COL27A1: variants seen among roughly 807,000 people sequenced by gnomAD.
The protein encoded by COL27A1 is collagen alpha-1(XXVII) chain.
In COL27A1, 106 loss-of-function variants were observed where a neutral mutation model predicts 251.3. The ratio of observed to expected loss-of-function variants is 0.42; its 90% CI spans 0.36 to 0.50. The LOEUF is 0.50. Among genes scored for constraint, COL27A1 ranks in the 20% least tolerant of loss-of-function variants. The pLI is 0.00. For synonymous variants in COL27A1, 1,000 were observed against 986.3 expected, an observed-to-expected ratio of 1.01 and a Z score of -0.26; for missense variants, 2,325 against 2,522.8, an observed-to-expected ratio of 0.92 and a Z score of 1.68.
chr9:114,289,082 G>A, intron 44 of COL27A1, 115 bp downstream of exon 44: 1 of 1,402,288 alleles, frequency 7.1e-7, no homozygotes, highest in South Asian at 1.3e-5. Flanking sequence ...AGGAGGGTCT[G>A]GGGCAGCCAT....
chr9:114,221,785 G>A (rs181289153), intron 13 of COL27A1, among the ~76,000 whole-genome samples: 1 of 152,342 alleles, frequency 6.6e-6, no homozygotes, highest in East Asian at 1.9e-4. Flanking sequence ...GAAAGGGAAG[G>A]AGGCTGGCTT....
In COL27A1 at chr9:114,310,629, C is replaced by A. The variant is rs144613533; in HGVS notation, c.5517C>A (p.Asp1839Glu). The change falls in exon 61 of 61, where the codon GAC (aspartate) becomes GAA (glutamate). Residue 1839 changes from aspartate (D) to glutamate (E), a missense_variant. Physicochemically the swap from Asp to Glu is conservative, Grantham distance 45 (BLOSUM62 2). Transcript: ENST00000356083. Reference protein sequence around the residue: ...DPQQLPIISVDNLPPASSGKQ... With the variant: ...DPQQLPIISVENLPPASSGKQ... ...AACAGCTGCCCATCATCAGTGTGGA[C>A]AACCTCCCTCCTGCCTCATCAGGGA... is the stretch of plus-strand genomic sequence containing the variant. The A allele has an allele frequency of 1.4e-5, 22 of 1,614,086 alleles. No individual in the cohort carries two copies. The highest frequency in any genetic ancestry group is 1.8e-5 in the Non-Finnish European group (21 of 1,180,040).
intron 49 of COL27A1, among the ~76,000 whole-genome samples, chr9:114,293,432 C>T (rs1828048887): frequency 6.6e-6 from 1 of 151,218 alleles, no homozygotes; most frequent in South Asian, 2.1e-4. Context: ...GAAAAGAAGA[C>T]AGGTCTCAAA....
chr9:114,219,358 T>A (rs1350695890), intron 12 of COL27A1, among the ~76,000 whole-genome samples: 1 of 152,208 alleles, frequency 6.6e-6, no homozygotes, highest in Non-Finnish European at 1.5e-5. Context: ...ACTGGGTGGC[T>A]TTTGAAGAAC....
intron 36 of COL27A1, chr9:114,272,567 G>A (rs1835219478): frequency 6.6e-6 from 1 of 152,218 alleles, no homozygotes; most frequent in African/African-American, 2.4e-5. Context: ...GCACTTCATA[G>A]TTTATAGAGT....
chr9:114,190,087 T>A (rs1485215557), intron 5 of COL27A1, among the ~76,000 whole-genome samples: 1 of 152,212 alleles, frequency 6.6e-6, no homozygotes, highest in Non-Finnish European at 1.5e-5. Flanking sequence ...CAGAGACAGT[T>A]CTGGGGCAGG....
chr9:114,237,097 C>A, intron 18 of COL27A1, 63 bp downstream of exon 18: 1 of 1,450,476 alleles, frequency 6.9e-7, no homozygotes, highest in South Asian at 1.4e-5. Flanking sequence ...TGTAATGTGG[C>A]TGGGGACACC....
intron 2 of COL27A1, among the ~76,000 whole-genome samples, chr9:114,164,900 A>C (rs561766551): frequency 6.6e-6 from 1 of 152,326 alleles, no homozygotes; most frequent in East Asian, 1.9e-4. Context: ...GGAAGAATAA[A>C]GGTCTTAAAC....
chr9:114,235,562 G>T, intron 16 of COL27A1, 37 bp from the exon 17 acceptor site: 1 of 1,569,818 alleles, frequency 6.4e-7, no homozygotes, highest in Middle Eastern at 1.7e-4. Context: ...AACCCACGTG[G>T]CCTCCATTGT....
At chr9:114,181,495 A>C (rs979495854) in intron 4 of COL27A1, among the ~76,000 whole-genome samples, 3 of 152,260 alleles carry the variant, frequency 2.0e-5, no homozygotes, top group Middle Eastern at 3.4e-3. Flanking sequence ...GTTCACACAC[A>C]GTTAGCCCGA....
At chr9:114,277,719 G>A (rs1404592001) in intron 37 of COL27A1, among the ~76,000 whole-genome samples, 1 of 152,198 alleles carries the variant, frequency 6.6e-6, no homozygotes, top group Admixed American at 6.5e-5. Flanking sequence ...GGGGAATTTA[G>A]CAGGAGGGTC....
chr9:114,249,346 T>C (rs1450858356), intron 24 of COL27A1, among the ~76,000 whole-genome samples: 4 of 152,354 alleles, frequency 2.6e-5, no homozygotes, highest in Admixed American at 2.0e-4. Context: ...CCTCTTACCT[T>C]ATACTTCAGA....
At chr9:114,192,695 C>A (rs916925427) in intron 5 of COL27A1, among the ~76,000 whole-genome samples, 1 of 152,176 alleles carries the variant, frequency 6.6e-6, no homozygotes, top group Non-Finnish European at 1.5e-5. Flanking sequence ...CCACCTTTGT[C>A]CTTCCTTGGA....
At chr9:114,289,059 G>GCCCTTTAAAGCTAGGCCCTTTAAAGCTA in intron 44 of COL27A1, 92 bp downstream of exon 44, 1 of 1,496,800 alleles carries the variant, frequency 6.7e-7, no homozygotes, top group Admixed American at 1.8e-5. Context: ...AAGCTTAAAG[G>GCCCTTTAAAGCTAGGCCCTTTAAAGCTA]GACCCTCCCT....
intron 26 of COL27A1, 82 bp downstream of exon 26, chr9:114,252,728 C>T: frequency 3.5e-6 from 5 of 1,440,868 alleles, no homozygotes; most frequent in Non-Finnish European, 4.9e-6. Flanking sequence ...GAACCGCTTA[C>T]CCCAGACGTT....
rs1835010694 is a variant in COL27A1 at position 114,269,786 on chromosome 9, C to T, written c.3555+492C>T. Among the ~76,000 whole-genome samples, 3 of 152,100 alleles carry T rather than the reference C, an allele frequency of 2.0e-5. No homozygotes were observed. In the South Asian group the frequency reaches 6.2e-4, roughly 32 times the overall value. ...GAGGCCTGTCTCTGGAGCTTGCATT[C>T]CAGCGGGTTGATAAGTGATACCTGC... On this transcript the variant is annotated intron_variant, in intron 35 of 60. Coordinates refer to ENST00000356083, the MANE Select transcript of COL27A1 (RefSeq NM_032888.4).
rs1346957370 is a variant in COL27A1, at chr9:114,275,653, C to T, written c.3610-8C>T. On this transcript the variant is annotated splice_region_variant and splice_polypyrimidine_tract_variant and intron_variant, in intron 36 of 60. Transcript: ENST00000356083. ...CTCTCTCTCCCCTCTTCATGCCCTGCCACCCAGGGGGACAGGGGAGACCCA... is the reference window on the plus strand; with the variant it reads ...CTCTCTCTCCCCTCTTCATGCCCTGTCACCCAGGGGGACAGGGGAGACCCA... The T allele has an allele frequency of 1.3e-6, 2 of 1,529,046 alleles. No homozygotes were observed. The highest frequency in any genetic ancestry group is 1.8e-6 in the Non-Finnish European group (2 of 1,129,884). 94.7% of individuals were successfully genotyped at this position (1,529,046 alleles called of 1,614,324 possible).
At chr9:114,269,677 A>G (rs577664704) in intron 35 of COL27A1, among the ~76,000 whole-genome samples, 6 of 151,282 alleles carry the variant, frequency 4.0e-5, no homozygotes, top group African/African-American at 9.7e-5. Flanking sequence ...TCTCGGCAGT[A>G]AAGAGAATGA....
At position 114,296,653 on chromosome 9, in the gene COL27A1, T is replaced by C. The variant is rs558808746; in HGVS notation, c.4585-3417T>C. On this transcript the variant is annotated intron_variant, in intron 49 of 60. Transcript: ENST00000356083. ...CTATGGAATCAGTTGGGCAGCTTCT[T>C]TGAAAGTTAAGCATATCCCTATTGT... 6.6e-5 allele frequency among the ~76,000 whole-genome samples: 10 copies of C among 152,326 alleles called. No individual in the cohort carries two copies. The East Asian group carries it at 1.5e-3, about 23-fold the overall frequency.
Sources: gnomAD v4.1 joint callset for allele counts (sites outside exome capture counted in the v4.1 genomes callset) on GRCh38, gnomAD v4.1.1 for gene constraint, MANE v1.5 for transcripts, NCBI Gene and HGNC (gene_info 2026-07-23, HGNC 2026-07-21) for gene names.